Variants in MEP1A observed in about 807,000 individuals in gnomAD.
The protein encoded by MEP1A is N-benzoyl-L-tyrosyl-P-amino-benzoic acid hydrolase subunit alpha.
In MEP1A, 68 loss-of-function variants were observed where a neutral mutation model predicts 84.5. That is an observed-to-expected ratio of 0.80 (90% CI 0.66 to 0.98). The LOEUF (loss-of-function observed/expected upper bound fraction) is 0.98, where lower values mean the gene tolerates loss of function less well. Ranked by LOEUF, MEP1A falls within the 50% of genes least tolerant of loss-of-function variation. The pLI, the probability that MEP1A is intolerant of heterozygous loss-of-function variation, is 0.00. For synonymous variants in MEP1A, 337 were observed against 336.8 expected, an observed-to-expected ratio of 1.00 and a Z score of -0.01; for missense variants, 887 against 919.9, an observed-to-expected ratio of 0.96 and a Z score of 0.46.
At chr6:46,816,179 C>T (rs945319121) in intron 6 of MEP1A, among the ~76,000 whole-genome samples, 1 of 151,980 alleles carries the variant, frequency 6.6e-6, no homozygotes, top group Non-Finnish European at 1.5e-5. Flanking sequence ...CTCAGGTAAT[C>T]GGCCCACCTC....
intron 5 of MEP1A, among the ~76,000 whole-genome samples, chr6:46,806,948 G>T (rs1452217088): frequency 6.6e-6 from 1 of 151,794 alleles, no homozygotes; most frequent in African/African-American, 2.4e-5. Context: ...TCCAGTTTCT[G>T]CCTGTTTTAG....
intron 6 of MEP1A, among the ~76,000 whole-genome samples, chr6:46,817,225 C>T (rs1469230272): frequency 6.6e-6 from 1 of 152,148 alleles, no homozygotes; most frequent in Non-Finnish European, 1.5e-5. Context: ...TCAAAAGTAT[C>T]TGAGATTTCA....
At chr6:46,835,622 C>T in intron 13 of MEP1A, 73 bp downstream of exon 13, 1 of 1,505,046 alleles carries the variant, frequency 6.6e-7, no homozygotes, top group South Asian at 1.2e-5. Flanking sequence ...CTGGTAAAGG[C>T]TGCTGTTTGC....
At chr6:46,807,729 CAG>C (rs1349382741) in intron 5 of MEP1A, among the ~76,000 whole-genome samples, 7 of 103,410 alleles carry the variant, frequency 6.8e-5, no homozygotes, top group Admixed American at 2.5e-4. Context: ...AAGAGGAAAA[CAG>C]AAGAAGGAGG....
the MEP1A span, among the ~76,000 whole-genome samples, chr6:46,844,948 G>C: frequency 6.6e-6 from 1 of 152,062 alleles, no homozygotes; most frequent in Non-Finnish European, 1.5e-5. Context: ...GTTCTCATGA[G>C]AGCTGATGTT....
intron 9 of MEP1A, among the ~76,000 whole-genome samples, chr6:46,827,342 C>G (rs1208526474): frequency 6.6e-6 from 1 of 152,170 alleles, no homozygotes; most frequent in African/African-American, 2.4e-5. Flanking sequence ...GCATACAAAG[C>G]CCCCACCTGC....
chr6:46,819,031 T>G (rs1194143743), intron 6 of MEP1A, among the ~76,000 whole-genome samples: 1 of 152,110 alleles, frequency 6.6e-6, no homozygotes, highest in African/African-American at 2.4e-5. Context: ...GGTGGGAAGA[T>G]CACCTGAGTA....
chr6:46,845,372 A>C, the MEP1A span, among the ~76,000 whole-genome samples: 1 of 152,220 alleles, frequency 6.6e-6, no homozygotes, highest in Non-Finnish European at 1.5e-5. Context: ...CAGGTTAAAA[A>C]ATAGAAAGTA....
At chr6:46,831,392 A>G (rs1305382730) in intron 10 of MEP1A, among the ~76,000 whole-genome samples, 2 of 152,200 alleles carry the variant, frequency 1.3e-5, no homozygotes, top group Non-Finnish European at 1.5e-5. Context: ...AACTATGTGT[A>G]TGTACACACA....
At chr6:46,804,889 G>A (rs978429848) in intron 5 of MEP1A, among the ~76,000 whole-genome samples, 2 of 138,304 alleles carry the variant, frequency 1.4e-5, no homozygotes, top group African/African-American at 5.6e-5. Flanking sequence ...TTTCTTCATA[G>A]GTGAATTTAA....
intron 1 of MEP1A, 39 bp downstream of exon 1, chr6:46,793,506 A>C (rs1766976623): frequency 1.3e-6 from 2 of 1,590,966 alleles, no homozygotes; most frequent in East Asian, 4.5e-5. Context: ...TAGAAATATT[A>C]ATTCTAGTAT....
chr6:46,799,410 A>G (rs1767142823), intron 5 of MEP1A, among the ~76,000 whole-genome samples: 2 of 152,250 alleles, frequency 1.3e-5, no homozygotes, highest in South Asian at 2.1e-4. Flanking sequence ...TGCAACACAC[A>G]TTAAAGTATT....
chr6:46,793,732 G>T lies in MEP1A; in HGVS notation c.145+16G>T, dbSNP rs1234677201. 1 of 1,587,250 alleles carries T rather than the reference G, an allele frequency of 6.3e-7. No individual in the cohort carries two copies. The highest frequency in any genetic ancestry group is 8.6e-7 in the Non-Finnish European group (1 of 1,157,550). On this transcript the variant is annotated intron_variant, in intron 3 of 13. Coordinates refer to ENST00000230588, the MANE Select transcript of MEP1A (RefSeq NM_005588.3). ...ATCAATTTAGGTGAGTTCAATTTTT[G>T]TGTTATTAAAGTCTTGAAATTACTT...
chr6:46,796,707 T>G (rs1349046826), intron 3 of MEP1A, among the ~76,000 whole-genome samples: 1 of 152,222 alleles, frequency 6.6e-6, no homozygotes, highest in East Asian at 1.9e-4. Flanking sequence ...TGTACACTTC[T>G]TTGGGAGGTT....
At chr6:46,814,060 G>T (rs914583608) in intron 6 of MEP1A, among the ~76,000 whole-genome samples, 4 of 152,122 alleles carry the variant, frequency 2.6e-5, no homozygotes, top group Non-Finnish European at 5.9e-5. Context: ...GCATTTCCCA[G>T]GTGTTCTTTG....
intron 6 of MEP1A, among the ~76,000 whole-genome samples, chr6:46,818,094 T>C (rs1240301735): frequency 6.6e-6 from 1 of 152,178 alleles, no homozygotes; most frequent in Non-Finnish European, 1.5e-5. Flanking sequence ...GTTGTGAATA[T>C]TTTGCAGAGT....
At chr6:46,798,493 A>G (rs1767117024) in intron 3 of MEP1A, 113 bp from the exon 4 acceptor site, 1 of 918,700 alleles carries the variant, frequency 1.1e-6, no homozygotes, top group Non-Finnish European at 1.7e-6. Flanking sequence ...GTTTTGCCAC[A>G]TAAAGATTAA....
At chr6:46,824,292 A>G (rs1767848781) in intron 7 of MEP1A, among the ~76,000 whole-genome samples, 1 of 151,740 alleles carries the variant, frequency 6.6e-6, no homozygotes, top group Non-Finnish European at 1.5e-5. Flanking sequence ...ACACGTATTT[A>G]TATATATTTA....
chr6:46,822,834 C>T (rs969844095), intron 7 of MEP1A, among the ~76,000 whole-genome samples: 2 of 152,264 alleles, frequency 1.3e-5, no homozygotes, highest in African/African-American at 4.8e-5. Flanking sequence ...TGTGAACCAC[C>T]GTGCCCAGCC....
Sources: allele counts gnomAD v4.1 joint callset (sites outside exome capture counted in the v4.1 genomes callset), GRCh38; gene constraint gnomAD v4.1.1; transcripts MANE v1.5; gene names NCBI Gene and HGNC (gene_info 2026-07-23, HGNC 2026-07-21).